Variants in PHF2 observed in about 807,000 individuals in gnomAD.
PHF2 encodes the protein PHD finger protein 2.
A neutral mutation model predicts 120.5 loss-of-function variants in PHF2; 27 were observed. The observed-to-expected ratio is 0.22, with a 90% confidence interval of 0.17 to 0.31. The LOEUF is 0.31. Among genes scored for constraint, PHF2 ranks in the 10% least tolerant of loss-of-function variants. The pLI is 1.00. For missense variants in PHF2, 1,024 were observed against 1,434.8 expected, an observed-to-expected ratio of 0.71 and a Z score of 4.63; for synonymous variants, 568 against 592.5, an observed-to-expected ratio of 0.96 and a Z score of 0.60.
intron 1 of PHF2, among the ~76,000 whole-genome samples, chr9:93,596,747 G>GTTTTTTTT (rs34293739): frequency 6.9e-6 from 1 of 144,236 alleles, no homozygotes; most frequent in African/African-American, 2.6e-5. Context: ...TGTTTCTGCC[G>GTTTTTTTT]TTTTTTTTTT....
chr9:93,594,519 C>T (rs941883251), intron 1 of PHF2, among the ~76,000 whole-genome samples: 1 of 152,200 alleles, frequency 6.6e-6, no homozygotes, highest in African/African-American at 2.4e-5. Context: ...TGTACTTCCT[C>T]ACCCCAAGGG....
At chr9:93,663,757 A>G in intron 14 of PHF2, 122 bp downstream of exon 14, 1 of 594,000 alleles carries the variant, frequency 1.7e-6, no homozygotes, top group East Asian at 2.7e-5. Flanking sequence ...CTATGCATGC[A>G]CTCTGCATCT....
intron 2 of PHF2, among the ~76,000 whole-genome samples, chr9:93,630,725 C>T (rs973693756): frequency 6.6e-6 from 1 of 152,202 alleles, no homozygotes; most frequent in Non-Finnish European, 1.5e-5. Flanking sequence ...CTCCAAGCCT[C>T]AGCCCTGGTT....
At chr9:93,638,863 C>T (rs1390802410) in intron 3 of PHF2, among the ~76,000 whole-genome samples, 3 of 152,144 alleles carry the variant, frequency 2.0e-5, no homozygotes, top group South Asian at 2.1e-4. Context: ...GGACTACAGG[C>T]GTGCACTACC....
At chr9:93,581,534 G>T (rs536860546) in intron 1 of PHF2, among the ~76,000 whole-genome samples, 27 of 152,338 alleles carry the variant, frequency 1.8e-4, no homozygotes, top group African/African-American at 6.0e-4. Flanking sequence ...TGGGAAGAAT[G>T]TCAGGCCAGC....
In PHF2 at chr9:93,673,742, G is replaced by A. The variant is rs769947880; in HGVS notation, c.2506G>A (p.Gly836Ser). The stretch of plus-strand genomic sequence containing the variant: ...CCATGGTGCCCGGAAGAATGGGGGT[G>A]GCAGTGGCAAGAGTGCAGGCAAACG... ...AAHGARKNGG[G>S]SGKSAGKRLL... The change falls in exon 18 of 22, where the codon GGC (glycine) becomes AGC (serine). Residue 836 changes from glycine to serine, a missense_variant. Gly to Ser is a moderately conservative substitution (Grantham distance 56, BLOSUM62 0). Coordinates refer to ENST00000359246, the MANE Select transcript of PHF2 (RefSeq NM_005392.4). 1.2e-6 allele frequency: 2 copies of A among 1,613,424 alleles called. No individual in the cohort carries two copies. The highest frequency in any genetic ancestry group is 2.2e-5 in the East Asian group (1 of 44,876).
At chr9:93,577,053 C>T (rs1421157593) in intron 1 of PHF2, among the ~76,000 whole-genome samples, 182 bp downstream of exon 1, 1 of 146,346 alleles carries the variant, frequency 6.8e-6, no homozygotes, top group East Asian at 2.0e-4. Context: ...CCTTTTGTGC[C>T]CAGGGCGGGG....
intron 1 of PHF2, among the ~76,000 whole-genome samples, chr9:93,593,359 T>C (rs1216118165): frequency 1.3e-5 from 2 of 152,192 alleles, no homozygotes; most frequent in Admixed American, 6.5e-5. Flanking sequence ...TCTGTTAATA[T>C]GACCTCGGAC....
At chr9:93,667,276 G>C in intron 17 of PHF2, 36 bp downstream of exon 17, 1 of 1,591,352 alleles carries the variant, frequency 6.3e-7, no homozygotes, top group Non-Finnish European at 8.5e-7. Context: ...CAAGAGCGGG[G>C]ACCAGGCAGG....
intron 17 of PHF2, among the ~76,000 whole-genome samples, chr9:93,667,652 C>G (rs1351226914): frequency 6.6e-6 from 1 of 152,080 alleles, no homozygotes; most frequent in East Asian, 1.9e-4. Flanking sequence ...CCCTCCTGGT[C>G]TTCTTGACAG....
At chr9:93,597,204 C>T (rs1825351867) in intron 1 of PHF2, among the ~76,000 whole-genome samples, 1 of 152,194 alleles carries the variant, frequency 6.6e-6, no homozygotes. Context: ...GCTGGGATTA[C>T]AGGTGTGAGC....
At chr9:93,635,633 A>C (rs778177795) in intron 2 of PHF2, among the ~76,000 whole-genome samples, 1 of 152,068 alleles carries the variant, frequency 6.6e-6, no homozygotes, top group Non-Finnish European at 1.5e-5. Context: ...AGTCCAGTAG[A>C]GGTGTGTGTG....
chr9:93,594,349 C>G (rs1202689610), intron 1 of PHF2, among the ~76,000 whole-genome samples: 1 of 152,232 alleles, frequency 6.6e-6, no homozygotes, highest in Non-Finnish European at 1.5e-5. Flanking sequence ...CCAGTCAGCC[C>G]CTCCCCTGCT....
intron 1 of PHF2, among the ~76,000 whole-genome samples, chr9:93,615,861 A>AG (rs1825722647): frequency 1.3e-5 from 2 of 152,214 alleles, no homozygotes; most frequent in Non-Finnish European, 2.9e-5. Context: ...CCTTCTCTGC[A>AG]GGGGACCAGG....
At position 93,656,997 on chromosome 9, in the gene PHF2, G is replaced by A. The variant is rs1826473345; in HGVS notation, c.1147+402G>A. 6.6e-6 allele frequency among the ~76,000 whole-genome samples: 1 copy of A among 152,094 alleles called. No homozygotes were observed. The highest frequency in any genetic ancestry group is 1.5e-5 in the Non-Finnish European group (1 of 68,016). On this transcript the variant is annotated intron_variant, in intron 9 of 21. Transcript: ENST00000359246. The surrounding 1 kb of genome is among the most constrained non-coding windows in gnomAD (Gnocchi z 4.1). ...TGGGTCCCCTTAGGCTCCCTCAGGG[G>A]CCTGGCAACTGGACCGTGAGGCAGG...
chr9:93,630,587 T>C (rs1041042363), intron 2 of PHF2, among the ~76,000 whole-genome samples: 1 of 152,184 alleles, frequency 6.6e-6, no homozygotes, highest in African/African-American at 2.4e-5. Flanking sequence ...ACCTGCTGTT[T>C]GTGTGTCCTA....
Position 93,656,134 on chromosome 9 carries a change from G to T in PHF2, c.1040+113G>T. ...TCCTGGCACAGCCCGCCTGTGGGTGGCCTGGACATGACCGTCAGCCTCGGT... is the reference window on the plus strand; with the variant it reads ...TCCTGGCACAGCCCGCCTGTGGGTGTCCTGGACATGACCGTCAGCCTCGGT... On this transcript the variant is annotated intron_variant, in intron 8 of 21. Coordinates refer to ENST00000359246, the MANE Select transcript of PHF2 (RefSeq NM_005392.4). The surrounding 1 kb of genome is among the most constrained non-coding windows in gnomAD (Gnocchi z 4.1). The T allele has an allele frequency of 1.2e-6, 1 of 817,326 alleles. No individual in the cohort carries two copies. The highest frequency in any genetic ancestry group is 1.7e-5 in the African/African-American group (1 of 59,364). 50.6% of individuals were successfully genotyped at this position (817,326 alleles called of 1,614,324 possible).
At chr9:93,603,150 T>C (rs1825476022) in intron 1 of PHF2, among the ~76,000 whole-genome samples, 1 of 152,150 alleles carries the variant, frequency 6.6e-6, no homozygotes, top group Non-Finnish European at 1.5e-5. Context: ...GATTCCGTGT[T>C]GGTGCCGAGG....
In PHF2 at chr9:93,673,652, G is replaced by T; in HGVS notation, c.2416G>T (p.Ala806Ser). The T allele has an allele frequency of 1.2e-6, 2 of 1,609,498 alleles. No individual in the cohort carries two copies. Among genetic ancestry groups the T allele is most frequent in the South Asian group, 2.2e-5 (2 of 90,848 alleles). Residue 806 changes from alanine (A) to serine (S), a missense_variant, in exon 18 of 22, where the codon GCC becomes TCC. Around this residue, in one of 2 missense-constraint regions of PHF2, gnomAD observed 677 missense variants for 857.4 expected, o/e 0.79. Coordinates refer to ENST00000359246, the MANE Select transcript of PHF2 (RefSeq NM_005392.4). The stretch of plus-strand genomic sequence containing the variant: ...AATGCTGTCCATGGCCAACCTGCAG[G>T]CCTCCGACTCCTGCCTGCAGACCAC... ...QGMLSMANLQ[A>S]SDSCLQTTWG... is the part of the protein sequence containing the mutation.
Sources: gnomAD v4.1 joint callset for allele counts (sites outside exome capture counted in the v4.1 genomes callset) on GRCh38, gnomAD v4.1.1 for gene constraint, gnomAD v4.1.1 regional missense constraint, Gnocchi (gnomAD v3.1) non-coding constraint, MANE v1.5 for transcripts, NCBI Gene and HGNC (gene_info 2026-07-23, HGNC 2026-07-21) for gene names.